The following TMEM45A variants were observed in gnomAD, a reference collection of about 807,000 sequenced individuals.
The protein encoded by TMEM45A is DNA polymerase-transactivated protein 4.
In TMEM45A, 25 loss-of-function variants were observed where a neutral mutation model predicts 32.0. The observed-to-expected ratio is 0.78, with a 90% CI of 0.57 to 1.09. The LOEUF is 1.09. Among genes scored for constraint, TMEM45A ranks in the 50% least tolerant of loss-of-function variants. TMEM45A has a pLI of 0.00. For synonymous variants in TMEM45A, 122 were observed against 114.8 expected (o/e 1.06, Z -0.40); for missense variants, 302 against 325.0 (o/e 0.93, Z 0.54).
chr3:100,560,262 T>TCTCTC (rs35299607), intron 4 of TMEM45A, among the ~76,000 whole-genome samples: 1 of 120,572 alleles, frequency 8.3e-6, no homozygotes, highest in Non-Finnish European at 1.6e-5. Context: ...TCTCTCTCTC[T>TCTCTC]TTTTTTTTTT....
At chr3:100,500,270 G>A (rs1255068205) in intron 1 of TMEM45A, among the ~76,000 whole-genome samples, 4 of 151,992 alleles carry the variant, frequency 2.6e-5, no homozygotes, top group Non-Finnish European at 2.9e-5. Flanking sequence ...AAGTCTCAGC[G>A]GTATCAAATA....
chr3:100,536,356 C>G (rs1254505333), intron 1 of TMEM45A, among the ~76,000 whole-genome samples: 1 of 152,170 alleles, frequency 6.6e-6, no homozygotes, highest in East Asian at 1.9e-4. Flanking sequence ...CCAGCTCCCA[C>G]TTGGTGTAGC....
intron 1 of TMEM45A, among the ~76,000 whole-genome samples, chr3:100,509,170 G>C (rs144073597): frequency 1.2e-3 from 181 of 152,132 alleles, no homozygotes; most frequent in African/African-American, 4.3e-3. Flanking sequence ...TGACTAACAG[G>C]CATATGAAAA....
intron 4 of TMEM45A, among the ~76,000 whole-genome samples, chr3:100,566,386 T>A (rs2148992388): frequency 6.6e-6 from 1 of 152,258 alleles, no homozygotes; most frequent in East Asian, 1.9e-4. Context: ...ATTAGATAGA[T>A]AGATAAATGG....
intron 1 of TMEM45A, among the ~76,000 whole-genome samples, chr3:100,514,611 C>A (rs932230432): frequency 5.9e-5 from 9 of 152,142 alleles, no homozygotes; most frequent in African/African-American, 1.2e-4. Flanking sequence ...GCAACAAAAG[C>A]CAAAATTGAC....
chr3:100,552,031 T>G (rs1275402465), intron 1 of TMEM45A, among the ~76,000 whole-genome samples: 1 of 152,180 alleles, frequency 6.6e-6, no homozygotes, highest in Non-Finnish European at 1.5e-5. Flanking sequence ...GGAGGGCTAT[T>G]TGGCCTAGAG....
intron 1 of TMEM45A, among the ~76,000 whole-genome samples, chr3:100,509,558 A>G (rs887780070): frequency 1.3e-5 from 2 of 152,216 alleles, no homozygotes; most frequent in East Asian, 1.9e-4. Flanking sequence ...GAATGAATGA[A>G]TGGGTAAAGA....
In TMEM45A at chr3:100,572,505, T is replaced by C. The variant is rs1349534324; in HGVS notation, c.734+3538T>C. On this transcript the variant is annotated intron_variant, in intron 5 of 5. Transcript: ENST00000323523. ...ATTGTAGATTCTGGATACTAGCCCTTTGTCAGATGAGTAGGTTGTGAAAAT... is the reference window on the plus strand; with the variant it reads ...ATTGTAGATTCTGGATACTAGCCCTCTGTCAGATGAGTAGGTTGTGAAAAT... 9.9e-5 allele frequency: 15 copies of C among 151,278 alleles called. No homozygotes were observed. The South Asian group carries it at 2.9e-3, about 29-fold the overall frequency. The allele number at this position is 151,278 out of a possible 1,614,324, so 9.4% of individuals were successfully genotyped here. A position where few individuals can be genotyped will look rare whatever the true frequency, so the allele number is the denominator to read the frequency against.
chr3:100,526,840 A>G (rs1398911755), intron 1 of TMEM45A, among the ~76,000 whole-genome samples: 1 of 152,190 alleles, frequency 6.6e-6, no homozygotes, highest in Non-Finnish European at 1.5e-5. Context: ...TCCTTTGCAA[A>G]TTAGGAAGCT....
chr3:100,552,581 G>A (rs1330848689), intron 1 of TMEM45A, among the ~76,000 whole-genome samples: 1 of 152,238 alleles, frequency 6.6e-6, no homozygotes, highest in Non-Finnish European at 1.5e-5. Context: ...AATTGGCAGT[G>A]TTGTTAACCA....
chr3:100,528,516 G>A (rs1705589917), intron 1 of TMEM45A, among the ~76,000 whole-genome samples: 1 of 152,174 alleles, frequency 6.6e-6, no homozygotes, highest in South Asian at 2.1e-4. Flanking sequence ...AGGGACAGAG[G>A]AGGAGGCAGG....
At chr3:100,559,475 C>G (rs1346564531) in intron 4 of TMEM45A, among the ~76,000 whole-genome samples, 1 of 152,000 alleles carries the variant, frequency 6.6e-6, no homozygotes, top group Non-Finnish European at 1.5e-5. Flanking sequence ...TGTAAGAAAG[C>G]GGAAAGGCTG....
At chr3:100,514,158 G>A (rs1169380106) in intron 1 of TMEM45A, among the ~76,000 whole-genome samples, 10 of 152,152 alleles carry the variant, frequency 6.6e-5, no homozygotes, top group East Asian at 3.9e-4. Context: ...AAAAGAGCCC[G>A]CATTGCCAAG....
intron 1 of TMEM45A, among the ~76,000 whole-genome samples, chr3:100,514,914 A>G (rs571087661): frequency 0.018 from 2,615 of 149,334 alleles, 64 homozygotes; most frequent in Admixed American, 0.081. Flanking sequence ...ATGCAAATCA[A>G]AACCACAATG....
chr3:100,547,763 A>AT (rs1706008644), intron 1 of TMEM45A, among the ~76,000 whole-genome samples: 1 of 152,180 alleles, frequency 6.6e-6, no homozygotes, highest in Admixed American at 6.5e-5. Context: ...TTAGTATACA[A>AT]TAGGTGTTCA....
At chr3:100,543,394 T>C (rs1461812740) in intron 1 of TMEM45A, among the ~76,000 whole-genome samples, 1 of 152,224 alleles carries the variant, frequency 6.6e-6, no homozygotes, top group Non-Finnish European at 1.5e-5. Flanking sequence ...TTGTGTCATA[T>C]GTGCATTTTC....
intron 4 of TMEM45A, among the ~76,000 whole-genome samples, chr3:100,561,304 A>AT (rs1376476444): frequency 6.6e-6 from 1 of 152,062 alleles, no homozygotes; most frequent in African/African-American, 2.4e-5. Flanking sequence ...ATATTACCAT[A>AT]TTTTTTTCTC....
At chr3:100,574,666 G>C (rs1706644637) in intron 5 of TMEM45A, 1 of 152,154 alleles carries the variant, frequency 6.6e-6, no homozygotes, top group Admixed American at 6.5e-5. Flanking sequence ...GTGGGTTAGT[G>C]TTATCTACTG....
At position 100,565,763 on chromosome 3, in the gene TMEM45A, T is replaced by C. The variant is rs1473582547; in HGVS notation, c.589-3059T>C. ...TATCTATTATCTCTCTATCTACTTA[T>C]TGTTTATTGGGATAAAACTTTCCTA... On this transcript the variant is annotated intron_variant, in intron 4 of 5. Coordinates refer to ENST00000323523, the MANE Select transcript of TMEM45A (RefSeq NM_018004.3). Among the ~76,000 whole-genome samples, 3 of 152,218 alleles carry C rather than the reference T, an allele frequency of 2.0e-5. No homozygotes were observed. In the East Asian group the frequency reaches 5.8e-4, roughly 29 times the overall value.
Sources: allele counts gnomAD v4.1 joint callset (sites outside exome capture counted in the v4.1 genomes callset), GRCh38; gene constraint gnomAD v4.1.1; transcripts MANE v1.5; gene names NCBI Gene and HGNC (gene_info 2026-07-23, HGNC 2026-07-21).